Variants in MORC3 observed in about 807,000 individuals in gnomAD.
The protein encoded by MORC3 is MORC family CW-type zinc finger 3.
Under a neutral mutation model 109.1 loss-of-function variants are expected in MORC3, and 31 were observed. That is an observed-to-expected ratio of 0.28 (90% CI 0.21 to 0.38). The LOEUF (loss-of-function observed/expected upper bound fraction) is 0.38, where lower values mean the gene tolerates loss of function less well. Among genes scored for constraint, MORC3 ranks in the 10% least tolerant of loss-of-function variants. The probability of loss-of-function intolerance (pLI) is 1.00; values close to 1 mark genes in which losing one functional copy is unlikely to be tolerated. For synonymous variants in MORC3, 395 were observed against 380.7 expected (o/e 1.04, Z -0.44); for missense variants, 867 against 1,135.8 (o/e 0.76, Z 3.40).
chr21:36,346,517 C>G (rs1200830029), intron 8 of MORC3, among the ~76,000 whole-genome samples: 1 of 151,908 alleles, frequency 6.6e-6, no homozygotes, highest in Non-Finnish European at 1.5e-5. Flanking sequence ...CATACCAAGT[C>G]TCTACCTCAG....
At chr21:36,359,536 TTTTCC>T (rs1056707244) in intron 10 of MORC3, among the ~76,000 whole-genome samples, 2 of 151,672 alleles carry the variant, frequency 1.3e-5, no homozygotes, top group African/African-American at 2.4e-5. Context: ...TTCTCTTTTC[TTTTCC>T]TTTCCTTTCC....
Position 36,375,221 on chromosome 21 carries a change from G to T in MORC3, c.2745G>T (p.Val915=). 1.2e-6 allele frequency: 2 copies of T among 1,613,898 alleles called. No individual in the cohort carries two copies. The highest frequency in any genetic ancestry group is 1.7e-6 in the Non-Finnish European group (2 of 1,179,824). ...MIVPDLDLQQ[V]NYDVDVVDEI... ...TGCCTGATCTTGATCTTCAGCAAGT[G>T]AATTACGATGTTGATGTAGTTGATG... is the stretch of plus-strand genomic sequence containing the variant. Residue 915 remains valine, a synonymous_variant, in exon 17 of 17, where the codon GTG becomes GTT. Coordinates refer to ENST00000400485, the MANE Select transcript of MORC3 (RefSeq NM_015358.3).
intron 2 of MORC3, among the ~76,000 whole-genome samples, chr21:36,335,845 A>G (rs1193790675): frequency 6.6e-6 from 1 of 152,182 alleles, no homozygotes; most frequent in Non-Finnish European, 1.5e-5. Flanking sequence ...CTTTTCATTT[A>G]TTTATTGATT....
chr21:36,339,025 G>A, intron 5 of MORC3, 104 bp downstream of exon 5: 3 of 1,307,090 alleles, frequency 2.3e-6, no homozygotes, highest in South Asian at 3.3e-5. Flanking sequence ...TACATGGAAA[G>A]GTACTCATTT....
chr21:36,320,408 G>A, intron 1 of MORC3, 105 bp downstream of exon 1: 1 of 1,129,668 alleles, frequency 8.9e-7, no homozygotes, highest in Non-Finnish European at 1.1e-6. Context: ...CCGACGCGGC[G>A]GCGGGGGCTG....
At chr21:36,354,937 C>T (rs1262634984) in intron 9 of MORC3, among the ~76,000 whole-genome samples, 21 of 151,956 alleles carry the variant, frequency 1.4e-4, no homozygotes, top group Admixed American at 5.3e-4. Context: ...CTTTTTTTTC[C>T]TGTATATCCA....
chr21:36,348,309 C>T (rs1348665477), intron 8 of MORC3: 1 of 152,236 alleles, frequency 6.6e-6, no homozygotes, highest in Non-Finnish European at 1.5e-5. Flanking sequence ...TATTGCCTTT[C>T]AGAGCCTTTG....
intron 1 of MORC3, chr21:36,320,624 C>T (rs1028016410): frequency 7.1e-6 from 2 of 279,964 alleles, no homozygotes; most frequent in Admixed American, 5.3e-5. Context: ...TCGGTCTGCT[C>T]TCGGGGCCGC....
At chr21:36,346,131 G>A (rs1233333082) in intron 8 of MORC3, among the ~76,000 whole-genome samples, 1 of 151,902 alleles carries the variant, frequency 6.6e-6, no homozygotes, top group African/African-American at 2.4e-5. Flanking sequence ...AGCGATTCTC[G>A]GGCCTTAGCC....
chr21:36,330,980 T>C (rs760803901), intron 1 of MORC3, among the ~76,000 whole-genome samples: 1 of 152,246 alleles, frequency 6.6e-6, no homozygotes, highest in Non-Finnish European at 1.5e-5. Flanking sequence ...ATTGCATATA[T>C]ACCAGTTTGA....
intron 9 of MORC3, among the ~76,000 whole-genome samples, chr21:36,352,406 G>C (rs530011501): frequency 6.8e-6 from 1 of 147,774 alleles, no homozygotes; most frequent in Admixed American, 6.9e-5. Flanking sequence ...GGTGGGGGGG[G>C]GCAGGTTGAA....
At chr21:36,374,995 T>C (rs1266100953) in intron 16 of MORC3, 148 bp from the exon 17 acceptor site, 5 of 711,800 alleles carry the variant, frequency 7.0e-6, no homozygotes, top group East Asian at 3.1e-5. Flanking sequence ...TTAAAGTAAA[T>C]TGAGTTCTCT....
chr21:36,326,855 G>A (rs1053310167), intron 1 of MORC3, among the ~76,000 whole-genome samples: 34 of 149,954 alleles, frequency 2.3e-4, no homozygotes, highest in African/African-American at 7.4e-4. Context: ...TCGCTCTGTC[G>A]CCTAGGCTGG....
At chr21:36,326,919 G>C (rs142444553) in intron 1 of MORC3, among the ~76,000 whole-genome samples, 1 of 150,794 alleles carries the variant, frequency 6.6e-6, no homozygotes, top group Admixed American at 6.6e-5. Flanking sequence ...GGGTTTAAGC[G>C]ATTCTTGTGC....
chr21:36,324,689 C>G (rs1269541721), intron 1 of MORC3, among the ~76,000 whole-genome samples: 1 of 149,820 alleles, frequency 6.7e-6, no homozygotes, highest in Non-Finnish European at 1.5e-5. Context: ...TCTCAAATGT[C>G]TGGAAACAGC....
chr21:36,372,057 C>T (rs1022424263), intron 15 of MORC3, among the ~76,000 whole-genome samples: 2 of 152,082 alleles, frequency 1.3e-5, no homozygotes, highest in African/African-American at 2.4e-5. Context: ...AGGTGATCTG[C>T]CCACCTCAGC....
chr21:36,349,709 T>C (rs1389272543), intron 9 of MORC3, among the ~76,000 whole-genome samples: 1 of 152,252 alleles, frequency 6.6e-6, no homozygotes, highest in Non-Finnish European at 1.5e-5. Context: ...TATGCAAGTA[T>C]TTTGAAAATA....
At chr21:36,335,460 C>T (rs966917631) in intron 2 of MORC3, among the ~76,000 whole-genome samples, 11 of 151,708 alleles carry the variant, frequency 7.3e-5, no homozygotes, top group African/African-American at 9.7e-5. Flanking sequence ...GGACTACAGG[C>T]ACATGCCACC....
intron 5 of MORC3, chr21:36,339,501 C>CAAAAAAAAAAAAAAAAAAAAAAAAAA (rs55863855): frequency 3.0e-5 from 3 of 101,482 alleles, no homozygotes; most frequent in Admixed American, 1.2e-4. Flanking sequence ...CCCGTCTTCT[C>CAAAAAAAAAAAAAAAAAAAAAAAAAA]AAAAAAAAAA....
Sources: gnomAD v4.1 joint callset for allele counts (sites outside exome capture counted in the v4.1 genomes callset) on GRCh38, gnomAD v4.1.1 for gene constraint, MANE v1.5 for transcripts, NCBI Gene and HGNC (gene_info 2026-07-23, HGNC 2026-07-21) for gene names.